The following URGCP variants were observed in gnomAD, a reference collection of about 807,000 sequenced individuals.
The protein encoded by URGCP is up-regulator of cell proliferation.
In URGCP, 13 loss-of-function variants were observed where a neutral mutation model predicts 24.6. The ratio of observed to expected loss-of-function variants is 0.53; its 90% confidence interval spans 0.34 to 0.84. URGCP has a LOEUF of 0.84. URGCP is among the 40% of genes least tolerant of loss of function. The probability of loss-of-function intolerance (pLI) is 0.01; values close to 1 mark genes in which losing one functional copy is unlikely to be tolerated. For synonymous variants in URGCP, 444 were observed against 487.2 expected, an observed-to-expected ratio of 0.91 and a Z score of 1.17; for missense variants, 899 against 1,194.3, an observed-to-expected ratio of 0.75 and a Z score of 3.64.
At chr7:43,883,641 G>A (rs568300082) in intron 3 of URGCP, among the ~76,000 whole-genome samples, 16 of 152,104 alleles carry the variant, frequency 1.1e-4, no homozygotes, top group African/African-American at 3.4e-4. Flanking sequence ...GATTACAGGC[G>A]TGAGCCACCT....
At chr7:43,903,434 T>C (rs2095895249) in intron 1 of URGCP, among the ~76,000 whole-genome samples, 1 of 152,198 alleles carries the variant, frequency 6.6e-6, no homozygotes, top group Admixed American at 6.5e-5. Flanking sequence ...AATAAGTGAC[T>C]ATTTAAAATC....
chr7:43,876,803 G>A lies in URGCP; in HGVS notation c.2660C>T (p.Pro887Leu), dbSNP rs1327935687. The change falls in exon 6 of 6, where the codon CCC becomes CTC. Residue 887 changes from proline (P) to leucine (L), a missense_variant. Pro to Leu is a moderately conservative substitution (Grantham distance 98, BLOSUM62 -3). Transcript: ENST00000453200. Reference protein sequence around the residue: ...HIPGLWHGAPPMAAVSLAYSE... With the variant: ...HIPGLWHGAPLMAAVSLAYSE... Reference sequence around the variant, plus strand: ...GTAGGCCAAGCTCACTGCGGCCATGGGAGGTGCTCCGTGCCACAGGCCTGG... The same window carrying A: ...GTAGGCCAAGCTCACTGCGGCCATGAGAGGTGCTCCGTGCCACAGGCCTGG... 63 of 1,614,110 alleles carry A rather than the reference G, an allele frequency of 3.9e-5. No individual in the cohort carries two copies. The highest frequency in any genetic ancestry group is 5.1e-5 in the Non-Finnish European group (60 of 1,180,048).
chr7:43,894,251 A>G (rs1297589240), intron 1 of URGCP, among the ~76,000 whole-genome samples: 1 of 152,232 alleles, frequency 6.6e-6, no homozygotes, highest in Non-Finnish European at 1.5e-5. Context: ...AGAACATTTT[A>G]TCCAAAAGCT....
chr7:43,877,225 G>A lies in URGCP; in HGVS notation c.2238C>T (p.Asp746=). 2 of 1,614,154 alleles carry A rather than the reference G, an allele frequency of 1.2e-6. No individual in the cohort carries two copies. The highest frequency in any genetic ancestry group is 1.7e-6 in the Non-Finnish European group (2 of 1,180,012). The change falls in exon 6 of 6, where the codon GAC becomes GAT. Residue 746 remains aspartate, a synonymous_variant. Transcript: ENST00000453200. ...CCCCGGAGTCTATCACCAGGATGTG[G>A]TCACAGCCCAGGTCCTGGCTGAAGC... ...AEGFSQDLGC[D]HILVIDSGGL...
At chr7:43,922,083 G>T (rs2095923105) in intron 1 of URGCP, among the ~76,000 whole-genome samples, 1 of 151,754 alleles carries the variant, frequency 6.6e-6, no homozygotes, top group African/African-American at 2.4e-5. Context: ...TTGTTTGTTT[G>T]AGAGTGGGTC....
chr7:43,893,087 G>C (rs1254080322), intron 1 of URGCP, among the ~76,000 whole-genome samples: 1 of 152,108 alleles, frequency 6.6e-6, no homozygotes, highest in African/African-American at 2.4e-5. Context: ...CAGCACTTTG[G>C]GAGGCCAATG....
chr7:43,905,980 C>T (rs898088729), intron 1 of URGCP: 2 of 152,234 alleles, frequency 1.3e-5, no homozygotes, highest in Non-Finnish European at 2.9e-5. Flanking sequence ...CACCCCAAGG[C>T]AGGCCGGTAG....
At chr7:43,901,581 G>A (rs1474941987) in intron 1 of URGCP, among the ~76,000 whole-genome samples, 2 of 152,188 alleles carry the variant, frequency 1.3e-5, no homozygotes, top group Non-Finnish European at 2.9e-5. Context: ...GCAAGATAAG[G>A]GTCCTGCTGG....
intron 1 of URGCP, among the ~76,000 whole-genome samples, chr7:43,903,485 T>C (rs2095895362): frequency 1.3e-5 from 2 of 152,168 alleles, no homozygotes; most frequent in Admixed American, 6.5e-5. Context: ...TAAAGCCAAT[T>C]ATACTTGATC....
chr7:43,882,596 A>T (rs1473629226), intron 3 of URGCP, among the ~76,000 whole-genome samples: 1 of 151,128 alleles, frequency 6.6e-6, no homozygotes, highest in Non-Finnish European at 1.5e-5. Context: ...CATCAGAGCA[A>T]GACCCTGTCT....
rs546082913 is a variant in URGCP, at chr7:43,913,420, G to A, written c.-116+12712C>T. ...TTTTTAGTAGAGACGGGGTTTCACCGTGTTAGCCAGGATGGTCTTCATCTC... is the reference window on the plus strand; with the variant it reads ...TTTTTAGTAGAGACGGGGTTTCACCATGTTAGCCAGGATGGTCTTCATCTC... On this transcript the variant is annotated intron_variant, in intron 1 of 5. Coordinates refer to the URGCP transcript ENST00000426198. 1.3e-3 allele frequency among the ~76,000 whole-genome samples: 204 copies of A among 151,360 alleles called. 1 individual carries two copies. The highest frequency in any genetic ancestry group is 4.7e-3 in the African/African-American group (194 of 41,246).
chr7:43,926,588 G>T (rs769401808), upstream of URGCP: 7 of 1,557,822 alleles, frequency 4.5e-6, no homozygotes, highest in Middle Eastern at 3.4e-4. Flanking sequence ...AACTCTTTGG[G>T]TGTCCGAAGC....
intron 1 of URGCP, chr7:43,888,800 T>C (rs753001947): frequency 6.6e-6 from 1 of 152,280 alleles, no homozygotes; most frequent in African/African-American, 2.4e-5. Flanking sequence ...TTCCTAACTG[T>C]CCACGGAAAG....
chr7:43,904,714 A>C (rs1341590637), intron 1 of URGCP, among the ~76,000 whole-genome samples: 1 of 152,222 alleles, frequency 6.6e-6, no homozygotes, highest in Non-Finnish European at 1.5e-5. Flanking sequence ...ATACATTCTG[A>C]GAAATGTGTC....
At chr7:43,916,706 TA>T (rs2095915845) in intron 1 of URGCP, among the ~76,000 whole-genome samples, 6 of 29,878 alleles carry the variant, frequency 2.0e-4, no homozygotes, top group African/African-American at 6.2e-4. Flanking sequence ...TCCCACTCCC[TA>T]CCCACCCCCC....
chr7:43,897,675 G>A (rs927497138), intron 1 of URGCP, among the ~76,000 whole-genome samples: 1 of 152,194 alleles, frequency 6.6e-6, no homozygotes, highest in Admixed American at 6.5e-5. Context: ...GGCCCTGGGT[G>A]CAGGGTGACA....
At chr7:43,925,798 CTT>C (rs60736722) in intron 1 of URGCP, among the ~76,000 whole-genome samples, 3,654 of 116,568 alleles carry the variant, frequency 0.031, 103 homozygotes, top group Non-Finnish European at 0.037. Context: ...CCTCGTCTGG[CTT>C]TTTTTTTTTT....
At chr7:43,894,936 T>G (rs1248692980) in intron 1 of URGCP, among the ~76,000 whole-genome samples, 1 of 151,692 alleles carries the variant, frequency 6.6e-6, no homozygotes, top group Non-Finnish European at 1.5e-5. Context: ...GAGGCTGAGG[T>G]GGGGAAATTG....
chr7:43,903,108 A>G (rs2095894336), intron 1 of URGCP, among the ~76,000 whole-genome samples: 1 of 149,062 alleles, frequency 6.7e-6, no homozygotes, highest in Non-Finnish European at 1.5e-5. Context: ...ACATAATGAG[A>G]CCCCCACTGC....
Sources: gnomAD v4.1 joint callset for allele counts (sites outside exome capture counted in the v4.1 genomes callset) on GRCh38, gnomAD v4.1.1 for gene constraint, MANE v1.5 for transcripts, NCBI Gene and HGNC (gene_info 2026-07-23, HGNC 2026-07-21) for gene names.